Variants in CCDC57 observed in about 807,000 individuals in gnomAD.
CCDC57 encodes coiled-coil domain-containing protein 57.
CCDC57 carries 118 observed loss-of-function variants against 118.9 expected under a neutral mutation model. That is an observed-to-expected ratio of 0.99 (90% CI 0.86 to 1.16). The LOEUF (loss-of-function observed/expected upper bound fraction) is 1.16. Ranked by LOEUF, CCDC57 falls within the 50% of genes most tolerant of loss-of-function variation. CCDC57 has a pLI of 0.00. For missense variants in CCDC57, 1,300 were observed against 1,320.7 expected (o/e 0.98, Z 0.24); for synonymous variants, 527 against 532.9 (o/e 0.99, Z 0.15).
chr17:82,147,998 G>A (rs1315048618), intron 16 of CCDC57, among the ~76,000 whole-genome samples: 1 of 100,826 alleles, frequency 9.9e-6, no homozygotes, highest in Non-Finnish European at 2.0e-5. Context: ...TGGGTGGGTG[G>A]ATGGATGGAT....
chr17:82,160,878 A>G (rs2043244297), intron 14 of CCDC57, among the ~76,000 whole-genome samples: 1 of 146,562 alleles, frequency 6.8e-6, no homozygotes, highest in Non-Finnish European at 1.5e-5. Flanking sequence ...TGTCTCAAAA[A>G]AAAAAAAAAA....
chr17:82,195,426 G>T, intron 4 of CCDC57, 62 bp from the exon 4 acceptor site: 1 of 1,279,410 alleles, frequency 7.8e-7, no homozygotes, highest in Non-Finnish European at 1.1e-6. Flanking sequence ...CCCCACCCAC[G>T]TCCTGGGAGG....
At chr17:82,108,831 G>C (rs2037546573) in intron 19 of CCDC57, 1 of 152,252 alleles carries the variant, frequency 6.6e-6, no homozygotes, top group Admixed American at 6.5e-5. Flanking sequence ...AGGAAAGGAA[G>C]GAGCCTCGCT....
intron 12 of CCDC57, 41 bp from the exon 12 acceptor site, chr17:82,171,894 A>G (rs1486571032): frequency 6.3e-7 from 1 of 1,589,430 alleles, no homozygotes; most frequent in South Asian, 1.1e-5. Flanking sequence ...CATACACAGC[A>G]TCCTTTCGCA....
intron 16 of CCDC57, among the ~76,000 whole-genome samples, chr17:82,137,925 G>T (rs957136122): frequency 6.6e-6 from 1 of 151,788 alleles, no homozygotes; most frequent in Admixed American, 6.6e-5. Context: ...ACCTGCCTCG[G>T]CCTCCCAAAG....
rs117924632 is a variant in CCDC57 at position 82,190,091 on chromosome 17, T to C, written c.852-1672A>G. ...CTCTCCAGTAAATTGCATATCCCAG[T>C]ATAGAGTGACCTCTCAAGGTTCTTC... On this transcript the variant is annotated intron_variant, in intron 7 of 19. Transcript: ENST00000665763. Among the ~76,000 whole-genome samples the C allele has an allele frequency of 2.2e-3, 177 of 79,504 alleles. 2 individuals are homozygous for C. The East Asian group carries it at 0.07, about 31-fold the overall frequency. 52.2% of individuals were successfully genotyped at this position (79,504 alleles called of 152,430 possible). A position where few individuals can be genotyped will look rare whatever the true frequency, so the allele number is the denominator to read the frequency against.
At position 82,179,199 on chromosome 17, in the gene CCDC57, C is replaced by G. The variant is rs748434025; in HGVS notation, c.1212-10G>C. ...CAGCTGTTGCTTGTACCTAAGGACA[C>G]GTCCAACCGCTCAGCATTAATGCTT... is the stretch of plus-strand genomic sequence containing the variant. On this transcript the variant is annotated splice_polypyrimidine_tract_variant and intron_variant, in intron 9 of 19. Coordinates refer to ENST00000665763, the Ensembl canonical transcript of CCDC57. The G allele has an allele frequency of 1.2e-6, 2 of 1,610,056 alleles. No homozygotes were observed. The highest frequency in any genetic ancestry group is 2.2e-5 in the South Asian group (2 of 90,652).
rs567073352 is a variant in CCDC57 at position 82,198,511 on chromosome 17, T to A, written c.408-89A>T. 5.5e-6 allele frequency: 5 copies of A among 912,120 alleles called. No individual in the cohort carries two copies. The South Asian group carries it at 7.9e-5, about 14-fold the overall frequency. The allele number at this position is 912,120 out of a possible 1,614,324, so 56.5% of individuals were successfully genotyped here. On this transcript the variant is annotated intron_variant, in intron 3 of 19. Transcript: ENST00000665763. ...CAAGGTGCACTTGACATGTGAAAGT[T>A]GGTGCTTTGCTTTTATGAAGGGGTG...
chr17:82,201,547 C>T (rs542363293), exon 3 of CCDC57: 47 of 1,603,504 alleles, frequency 2.9e-5, no homozygotes, highest in Non-Finnish European at 1.5e-5. Context: ...CCTGTGGACG[C>T]GCTCCAGCTC....
At chr17:82,173,179 A>T (rs6502082) in intron 11 of CCDC57, among the ~76,000 whole-genome samples, 116,822 of 151,994 alleles carry the variant, frequency 0.77, 45,127 homozygotes, top group East Asian at 0.95. Flanking sequence ...GAGCTTCAGT[A>T]TGGAAAGATG....
At chr17:82,207,177 C>A (rs189951336) in intron 2 of CCDC57, among the ~76,000 whole-genome samples, 67 of 152,070 alleles carry the variant, frequency 4.4e-4, no homozygotes, top group Non-Finnish European at 2.8e-4. Flanking sequence ...GCTGCCTCTA[C>A]CAAAAATACA....
intron 19 of CCDC57, among the ~76,000 whole-genome samples, chr17:82,125,345 C>T (rs1330089930): frequency 2.0e-5 from 3 of 151,986 alleles, no homozygotes; most frequent in African/African-American, 4.8e-5. Flanking sequence ...TGAGATCAGC[C>T]TGGGCAACAT....
chr17:82,168,793 A>G (rs1489884157), intron 13 of CCDC57, among the ~76,000 whole-genome samples: 7 of 20,680 alleles, frequency 3.4e-4, no homozygotes, highest in African/African-American at 7.9e-4. Context: ...CAATTATCCT[A>G]AAAAAAAAAA....
Position 82,208,549 on chromosome 17 carries a change from C to G in CCDC57, c.-210-501G>C, listed in dbSNP as rs142209630. ...GGATTACAGGCGTGAGCCACCGTGC[C>G]TGGCCTAATACCCTTAACTTATAAG... On this transcript the variant is annotated intron_variant, in intron 1 of 19. Coordinates refer to ENST00000665763, the Ensembl canonical transcript of CCDC57. Among the ~76,000 whole-genome samples the G allele has an allele frequency of 1.4e-4, 21 of 152,334 alleles. 1 individual carries two copies. The East Asian group carries it at 4.1e-3, about 29-fold the overall frequency.
At chr17:82,193,984 G>C (rs2047993958) in exon 6 of CCDC57, 1 of 1,609,346 alleles carries the variant, frequency 6.2e-7, no homozygotes, top group African/African-American at 1.3e-5. Flanking sequence ...TCGCGCACCG[G>C]GCGCGGCTCA....
At chr17:82,194,005 G>A (rs4789722) in exon 6 of CCDC57, 728,311 of 1,611,072 alleles carry the variant, frequency 0.45, 173,100 homozygotes, top group East Asian at 0.89. Context: ...TGGCCTCCAG[G>A]TCCTGGAGCT....
intron 17 of CCDC57, among the ~76,000 whole-genome samples, chr17:82,130,002 G>A: frequency 6.6e-6 from 1 of 152,074 alleles, no homozygotes; most frequent in Non-Finnish European, 1.5e-5. Context: ...TTTAAGATCA[G>A]CCTGGGTAAC....
intron 17 of CCDC57, among the ~76,000 whole-genome samples, chr17:82,131,717 A>G (rs764185278): frequency 2.0e-5 from 3 of 152,164 alleles, no homozygotes; most frequent in Non-Finnish European, 4.4e-5. Flanking sequence ...GTGCCACTGC[A>G]CTCCAGCCTG....
chr17:82,176,319 T>C (rs942731690), intron 11 of CCDC57, among the ~76,000 whole-genome samples: 2 of 152,138 alleles, frequency 1.3e-5, no homozygotes, highest in African/African-American at 2.4e-5. Context: ...AAACCCCTTC[T>C]AGCCTCTGGA....
Sources: gnomAD v4.1 joint callset for allele counts (sites outside exome capture counted in the v4.1 genomes callset) on GRCh38, gnomAD v4.1.1 for gene constraint, MANE v1.5 for transcripts, NCBI Gene and HGNC (gene_info 2026-07-23, HGNC 2026-07-21) for gene names.